Variants in ANO4 observed in about 807,000 individuals in gnomAD.
ANO4 encodes the protein anoctamin 4, also known as anoctamin-4.
A neutral mutation model predicts 141.9 loss-of-function variants in ANO4; 69 were observed. That is an observed-to-expected ratio of 0.49 (90% CI 0.40 to 0.59). The LOEUF is 0.59. Ranked by LOEUF, ANO4 falls within the 20% of genes least tolerant of loss-of-function variation. The pLI, the probability that ANO4 is intolerant of heterozygous loss-of-function variation, is 0.00. For synonymous variants in ANO4, 350 were observed against 394.3 expected (o/e 0.89, Z 1.33); for missense variants, 894 against 1,162.2 (o/e 0.77, Z 3.36).
chr12:101,089,838 A>C (rs2049679443), intron 17 of ANO4, among the ~76,000 whole-genome samples: 2 of 152,226 alleles, frequency 1.3e-5, no homozygotes, highest in Admixed American at 1.3e-4. Flanking sequence ...AAATTTTTAC[A>C]ATCTACCCAT....
intron 1 of ANO4, among the ~76,000 whole-genome samples, chr12:100,723,466 A>C (rs1312758268): frequency 6.6e-6 from 1 of 152,152 alleles, no homozygotes; most frequent in Non-Finnish European, 1.5e-5. Context: ...TCTGTCTCTT[A>C]TAAGGGAACT....
intron 14 of ANO4, among the ~76,000 whole-genome samples, chr12:101,070,544 A>G (rs2048769118): frequency 6.6e-6 from 1 of 152,120 alleles, no homozygotes; most frequent in Non-Finnish European, 1.5e-5. Flanking sequence ...TGAATATAAA[A>G]CCTCGAACTA....
intron 1 of ANO4, among the ~76,000 whole-genome samples, chr12:100,824,244 C>A (rs1291396341): frequency 6.6e-6 from 1 of 151,840 alleles, no homozygotes; most frequent in Non-Finnish European, 1.5e-5. Context: ...TGACTCATCC[C>A]CCAAGTCTCA....
intron 2 of ANO4, among the ~76,000 whole-genome samples, chr12:100,920,962 C>T (rs2041603179): frequency 6.6e-6 from 1 of 152,100 alleles, no homozygotes; most frequent in African/African-American, 2.4e-5. Context: ...ATCATCATCC[C>T]TATTTCACAA....
At position 100,800,528 on chromosome 12, in the gene ANO4, G is replaced by C. The variant is rs774910131; in HGVS notation, c.-141+5501G>C. Among the ~76,000 whole-genome samples the C allele has an allele frequency of 3.4e-4, 51 of 152,192 alleles. 1 individual carries two copies. The highest frequency in any genetic ancestry group is 2.1e-4 in the South Asian group (1 of 4,826). On this transcript the variant is annotated intron_variant, in intron 1 of 27. Coordinates refer to ENST00000392977, the MANE Select transcript of ANO4 (RefSeq NM_001286615.2). ...ATTCTTTTCGTAGAAGGGCACCTTT[G>C]CTGTCGTGGTGACATATATCTTCCA...
At chr12:100,884,468 G>A (rs898180237) in intron 1 of ANO4, among the ~76,000 whole-genome samples, 2 of 152,264 alleles carry the variant, frequency 1.3e-5, no homozygotes, top group Admixed American at 6.5e-5. Context: ...GATGGACCAG[G>A]GGCATTTTTG....
chr12:100,983,425 G>C (rs564557572), intron 7 of ANO4, among the ~76,000 whole-genome samples: 86 of 152,350 alleles, frequency 5.6e-4, no homozygotes, highest in African/African-American at 2.0e-3. Flanking sequence ...GGCTCAACTG[G>C]TTTGTCTGTT....
chr12:100,806,512 T>G (rs75458668), intron 1 of ANO4, among the ~76,000 whole-genome samples: 4,947 of 143,562 alleles, frequency 0.034, 387 homozygotes, highest in African/African-American at 0.12. Flanking sequence ...TAGGAGGTTT[T>G]TTTTTTGTTT....
At chr12:100,847,603 C>G (rs2037640636) in intron 1 of ANO4, among the ~76,000 whole-genome samples, 1 of 151,944 alleles carries the variant, frequency 6.6e-6, no homozygotes, top group Non-Finnish European at 1.5e-5. Context: ...TCCCGAGTAG[C>G]TGGGACTACA....
chr12:101,104,654 TATATATATATATATATAAATA>T (rs2050362099), intron 22 of ANO4, among the ~76,000 whole-genome samples: 1 of 65,764 alleles, frequency 1.5e-5, no homozygotes, highest in African/African-American at 8.5e-5. Flanking sequence ...TATATATATA[TATATATATATATATATAAATA>T]AAAAGATTTA....
At position 100,942,466 on chromosome 12, in the gene ANO4, C is replaced by G; in HGVS notation, c.387C>G (p.Asn129Lys). ...ACATCCTTGTGTACAGAAAATCCAA[C>G]CCCCAGACTGAAAAGAGAGAAGTAT... is the stretch of plus-strand genomic sequence containing the variant. The part of the protein sequence containing the change: ...IDYILVYRKS[N>K]PQTEKREVFE... The change falls in exon 5 of 28, where the codon AAC becomes AAG. Residue 129 changes from asparagine to lysine, a missense_variant. Physicochemically the swap from Asn to Lys is moderately conservative, Grantham distance 94 (BLOSUM62 0). This residue lies in a region of ANO4 where 257 missense variants were observed against 253.0 expected (regional missense o/e 1.02). Transcript: ENST00000392977. The G allele has an allele frequency of 1.2e-6, 2 of 1,613,904 alleles. No homozygotes were observed. Among genetic ancestry groups the G allele is most frequent in the East Asian group, 4.5e-5 (2 of 44,856 alleles).
At chr12:101,057,039 G>A (rs528429423) in intron 14 of ANO4, among the ~76,000 whole-genome samples, 44 of 150,962 alleles carry the variant, frequency 2.9e-4, no homozygotes, top group African/African-American at 1.0e-3. Flanking sequence ...AGTGTGTGAT[G>A]GTCCCTGCCC....
chr12:101,081,957 C>G (rs77976386), intron 15 of ANO4, among the ~76,000 whole-genome samples: 1,701 of 152,264 alleles, frequency 0.011, 34 homozygotes, highest in African/African-American at 0.039. Context: ...TAAAAAAAAC[C>G]TGTTTCCACA....
At chr12:101,092,034 T>A (rs1048172478) in intron 17 of ANO4, among the ~76,000 whole-genome samples, 3 of 152,124 alleles carry the variant, frequency 2.0e-5, no homozygotes, top group African/African-American at 7.2e-5. Context: ...TTGTTCCCGA[T>A]CATATTGTCT....
At chr12:100,724,883 A>C (rs1057435717) in intron 1 of ANO4, among the ~76,000 whole-genome samples, 1 of 152,214 alleles carries the variant, frequency 6.6e-6, no homozygotes, top group Admixed American at 6.5e-5. Context: ...GAATACCCAC[A>C]TGTATACATG....
intron 10 of ANO4, among the ~76,000 whole-genome samples, chr12:101,037,810 C>G (rs569006388): frequency 6.6e-6 from 1 of 152,216 alleles, no homozygotes; most frequent in African/African-American, 2.4e-5. Flanking sequence ...GGTGTGGCAC[C>G]CCTACTGTGG....
At chr12:100,851,091 C>T (rs1282877875) in intron 1 of ANO4, among the ~76,000 whole-genome samples, 1 of 152,002 alleles carries the variant, frequency 6.6e-6, no homozygotes, top group Non-Finnish European at 1.5e-5. Flanking sequence ...AGTGGAAATA[C>T]CAGATCAAAG....
At chr12:100,957,505 G>C (rs2043218534) in intron 5 of ANO4, among the ~76,000 whole-genome samples, 1 of 152,166 alleles carries the variant, frequency 6.6e-6, no homozygotes, top group Non-Finnish European at 1.5e-5. Context: ...CATGGCCAGT[G>C]GGTTTAAATT....
intron 14 of ANO4, among the ~76,000 whole-genome samples, chr12:101,054,725 C>A (rs1356798132): frequency 2.6e-5 from 4 of 152,210 alleles, no homozygotes. Flanking sequence ...TGGTCTGGAT[C>A]TTCTGACCTT....
Sources: gnomAD v4.1 joint callset for allele counts (sites outside exome capture counted in the v4.1 genomes callset) on GRCh38, gnomAD v4.1.1 for gene constraint, gnomAD v4.1.1 regional missense constraint, MANE v1.5 for transcripts, NCBI Gene and HGNC (gene_info 2026-07-23, HGNC 2026-07-21) for gene names.